MAL2: variants seen among roughly 807,000 people sequenced by gnomAD.
MAL2 encodes mal, T cell differentiation protein 2, also known as protein MAL2.
MAL2 carries 17 observed loss-of-function variants against 18.1 expected under a neutral mutation model. The ratio of observed to expected loss-of-function variants is 0.94; its 90% CI spans 0.64 to 1.41. The LOEUF (loss-of-function observed/expected upper bound fraction) is 1.41, where lower values mean the gene tolerates loss of function less well. Among genes scored for constraint, MAL2 ranks in the 40% most tolerant of loss-of-function variants. The pLI, the probability that MAL2 is intolerant of heterozygous loss-of-function variation, is 0.00. For synonymous variants in MAL2, 102 were observed against 102.3 expected (o/e 1.00, Z 0.02); for missense variants, 222 against 231.9 (o/e 0.96, Z 0.28).
At position 119,229,694 on chromosome 8, in the gene MAL2, C is replaced by T. The variant is rs1817673048; in HGVS notation, c.303+7937C>T. Reference sequence around the variant, plus strand: ...CCATTGGGAAAATAGTCCCTAACCACTGTCTTTCAAAGCCAACTCTGAATG... The same window carrying T: ...CCATTGGGAAAATAGTCCCTAACCATTGTCTTTCAAAGCCAACTCTGAATG... On this transcript the variant is annotated intron_variant, in intron 2 of 3. Coordinates refer to ENST00000614891, the MANE Select transcript of MAL2 (RefSeq NM_052886.3). Among the ~76,000 whole-genome samples, 3 of 152,206 alleles carry T rather than the reference C, an allele frequency of 2.0e-5. No homozygotes were observed. In the South Asian group the frequency reaches 6.2e-4, roughly 31 times the overall value.
rs1328142426 is a variant in MAL2 at position 119,208,382 on chromosome 8, C to G, written c.-91C>G. ...CGCGGCGCGCCCGGAGCCCGCGGAGCTGAGCGGCGGCGGCGGCGGCGGCAG... is the reference window on the plus strand; with the variant it reads ...CGCGGCGCGCCCGGAGCCCGCGGAGGTGAGCGGCGGCGGCGGCGGCGGCAG... On this transcript the variant is annotated 5_prime_UTR_variant, in exon 1 of 4. Coordinates refer to ENST00000614891, the MANE Select transcript of MAL2 (RefSeq NM_052886.3). The surrounding 1 kb of genome is among the most constrained non-coding windows in gnomAD (Gnocchi z 4.3). 2.9e-6 allele frequency: 2 copies of G among 694,038 alleles called. No individual in the cohort carries two copies. Among genetic ancestry groups the G allele is most frequent in the African/African-American group, 4.3e-5 (2 of 46,048 alleles). 43.0% of individuals were successfully genotyped at this position (694,038 alleles called of 1,614,324 possible). A position where few individuals can be genotyped will look rare whatever the true frequency, so the allele number is the denominator to read the frequency against.
In MAL2 at chr8:119,245,410, C is replaced by T. The variant is rs1169086079; in HGVS notation, c.*1922C>T. ...GTTTCTTTAAAATGCTTTGGTGGCA[C>T]TTTTGTAAACAGATTGCTTCTAGAT... On this transcript the variant is annotated 3_prime_UTR_variant, in exon 4 of 4. Coordinates refer to ENST00000614891, the MANE Select transcript of MAL2 (RefSeq NM_052886.3). 1 of 152,546 alleles carries T rather than the reference C, an allele frequency of 6.6e-6. No homozygotes were observed. Among genetic ancestry groups the T allele is most frequent in the African/African-American group, 2.4e-5 (1 of 41,442 alleles). 9.4% of individuals were successfully genotyped at this position (152,546 alleles called of 1,614,324 possible). A position where few individuals can be genotyped will look rare whatever the true frequency, so the allele number is the denominator to read the frequency against.
chr8:119,222,634 C>T (rs140308718), intron 2 of MAL2, among the ~76,000 whole-genome samples: 1 of 151,608 alleles, frequency 6.6e-6, no homozygotes, highest in African/African-American at 2.4e-5. Flanking sequence ...TCAAGGCCAG[C>T]CTGGGAAACA....
rs1818135710 is a variant in MAL2, at chr8:119,245,575, A to G, written c.*2087A>G. On this transcript the variant is annotated 3_prime_UTR_variant, in exon 4 of 4. Coordinates refer to ENST00000614891, the MANE Select transcript of MAL2 (RefSeq NM_052886.3). ...AATTTAACATGTCTTAGCTGTAAAA[A>G]TGAGAAAGTGTTGGTTGGTTTTAAA... 1 of 152,592 alleles carries G rather than the reference A, an allele frequency of 6.6e-6. No individual in the cohort carries two copies. Among genetic ancestry groups the G allele is most frequent in the South Asian group, 2.1e-4 (1 of 4,836 alleles). 9.5% of individuals were successfully genotyped at this position (152,592 alleles called of 1,614,324 possible).
intron 1 of MAL2, among the ~76,000 whole-genome samples, chr8:119,219,522 T>G (rs942098216): frequency 5.3e-3 from 4 of 756 alleles, no homozygotes; most frequent in African/African-American, 0.01. Flanking sequence ...TCTCCCTGGG[T>G]GTGTGTGTGT....
intron 2 of MAL2, among the ~76,000 whole-genome samples, chr8:119,235,448 T>A (rs200979097): frequency 3.3e-5 from 5 of 151,404 alleles, no homozygotes; most frequent in Non-Finnish European, 7.4e-5. Flanking sequence ...ATACAGAGAA[T>A]GCCACAAAGA....
intron 2 of MAL2, among the ~76,000 whole-genome samples, chr8:119,236,569 A>G (rs571812471): frequency 0.068 from 10,324 of 151,812 alleles, 430 homozygotes; most frequent in Non-Finnish European, 0.092. Flanking sequence ...GCAAATGTAA[A>G]AGAACAGAAA....
intron 3 of MAL2, among the ~76,000 whole-genome samples, chr8:119,241,713 G>A (rs559710543): frequency 1.3e-5 from 2 of 152,246 alleles, no homozygotes; most frequent in East Asian, 1.9e-4. Flanking sequence ...TAGGCTGAAG[G>A]TGGGATTACA....
chr8:119,243,231 A>T (rs373972628), intron 3 of MAL2, among the ~76,000 whole-genome samples, 186 bp from the exon 4 acceptor site: 49 of 151,832 alleles, frequency 3.2e-4, no homozygotes, highest in East Asian at 3.1e-3. Context: ...GGGGAGGGTA[A>T]TTGTATGAGG....
At position 119,244,581 on chromosome 8, in the gene MAL2, A is replaced by G. The variant is rs556047205; in HGVS notation, c.*1093A>G. On this transcript the variant is annotated 3_prime_UTR_variant, in exon 4 of 4. Coordinates refer to ENST00000614891, the MANE Select transcript of MAL2 (RefSeq NM_052886.3). ...GTGTGTGGATATGTGAAGCTTTTCC[A>G]AATAGAGCTCTCAGAAGAATTAAGT... is the stretch of plus-strand genomic sequence containing the variant. The G allele has an allele frequency of 6.8e-6, 1 of 147,980 alleles. No homozygotes were observed. The highest frequency in any genetic ancestry group is 2.5e-5 in the African/African-American group (1 of 40,604). The allele number at this position is 147,980 out of a possible 1,614,324, so 9.2% of individuals were successfully genotyped here.
rs367856642 is a variant in MAL2, at chr8:119,233,720, G to C, written c.304-6445G>C. On this transcript the variant is annotated intron_variant, in intron 2 of 3. Transcript: ENST00000614891. ...ACCAAAAAGAGTCCAGGACCAGATG[G>C]ATTCACAGCCGAATTCTACCAGAGG... 4.6e-5 allele frequency among the ~76,000 whole-genome samples: 7 copies of C among 152,062 alleles called. No individual in the cohort carries two copies. The South Asian group carries it at 1.2e-3, about 27-fold the overall frequency.
chr8:119,243,374 G>A (rs368053027), intron 3 of MAL2, 43 bp from the exon 4 acceptor site: 18 of 1,467,224 alleles, frequency 1.2e-5, no homozygotes, highest in African/African-American at 9.8e-5. Context: ...TTTATAAGTC[G>A]GTGTTGTAAA....
intron 1 of MAL2, among the ~76,000 whole-genome samples, chr8:119,213,905 A>G (rs13262685): frequency 0.22 from 33,280 of 152,192 alleles, 4,267 homozygotes; most frequent in East Asian, 0.57. Flanking sequence ...ATTATCAACA[A>G]TCATTTGCTC....
Position 119,232,102 on chromosome 8 carries a change from AT to A in MAL2, c.304-8056del, listed in dbSNP as rs547440049. Among the ~76,000 whole-genome samples, 1,001 of 131,220 alleles carry A rather than the reference AT, an allele frequency of 7.6e-3. 11 individuals are homozygous for A. The highest frequency in any genetic ancestry group is 0.039 in the African/African-American group (917 of 23,764). 86.1% of individuals were successfully genotyped at this position (131,220 alleles called of 152,430 possible). A position where few individuals can be genotyped will look rare whatever the true frequency, so the allele number is the denominator to read the frequency against. On this transcript the variant is annotated intron_variant, in intron 2 of 3. Transcript: ENST00000614891. The stretch of plus-strand genomic sequence containing the variant: ...AAGATAATTTTGGGAGGTTTTATAT[AT>A]TTTTTTATATATTTATGTATATATA...
chr8:119,242,050 A>G (rs1326151516), intron 3 of MAL2, among the ~76,000 whole-genome samples: 1 of 152,168 alleles, frequency 6.6e-6, no homozygotes, highest in East Asian at 1.9e-4. Context: ...TTAGTCATCA[A>G]TTCCCATTGT....
intron 1 of MAL2, chr8:119,221,281 C>A: frequency 4.2e-6 from 1 of 240,434 alleles, no homozygotes; most frequent in Non-Finnish European, 8.1e-6. Flanking sequence ...TCAGTAAAGT[C>A]AAAGGAAGGT....
chr8:119,213,171 C>T (rs1331589351), intron 1 of MAL2, among the ~76,000 whole-genome samples: 2 of 152,060 alleles, frequency 1.3e-5, no homozygotes, highest in African/African-American at 4.8e-5. Context: ...GATACCTAGA[C>T]TAAACTTAAA....
chr8:119,233,494 T>C (rs985672998), intron 2 of MAL2, among the ~76,000 whole-genome samples: 1 of 152,164 alleles, frequency 6.6e-6, no homozygotes, highest in African/African-American at 2.4e-5. Context: ...ACGAAGGGGA[T>C]AGCAGCACTG....
chr8:119,216,223 A>T (rs934128026), intron 1 of MAL2, among the ~76,000 whole-genome samples: 2 of 152,168 alleles, frequency 1.3e-5, no homozygotes, highest in Non-Finnish European at 2.9e-5. Context: ...TGTCCACCCA[A>T]TTTTATATGA....
Sources: allele counts gnomAD v4.1 joint callset (sites outside exome capture counted in the v4.1 genomes callset), GRCh38; gene constraint gnomAD v4.1.1; non-coding constraint Gnocchi (gnomAD v3.1); transcripts MANE v1.5; gene names NCBI Gene and HGNC (gene_info 2026-07-23, HGNC 2026-07-21).